Variants in MDN1 observed in about 807,000 individuals in gnomAD.
The protein encoded by MDN1 is midasin.
A neutral mutation model predicts 669.2 loss-of-function variants in MDN1; 266 were observed. The ratio of observed to expected loss-of-function variants is 0.40; its 90% confidence interval spans 0.36 to 0.44. The LOEUF (loss-of-function observed/expected upper bound fraction) is 0.44, where lower values mean the gene tolerates loss of function less well. MDN1 is among the 20% of genes least tolerant of loss of function. MDN1 has a pLI of 1.00. For synonymous variants in MDN1, 2,385 were observed against 2,457.1 expected (o/e 0.97, Z 0.87); for missense variants, 5,940 against 6,754.0 (o/e 0.88, Z 4.22).
chr6:89,746,953 T>G (rs1435021262), intron 27 of MDN1, among the ~76,000 whole-genome samples: 2 of 152,190 alleles, frequency 1.3e-5, no homozygotes, highest in Non-Finnish European at 2.9e-5. Context: ...AATGCTGATG[T>G]TTTCTGACAA....
Position 89,658,637 on chromosome 6 carries a change from G to C in MDN1, c.14994C>G (p.Gly4998=), listed in dbSNP as rs781752845. The part of the protein sequence containing the change: ...KEADEEGGEN[G]PADQGFQPQE... ...GGGGCTGGAAACCTTGGTCAGCAGG[G>C]CCATTCTCTCCACCTTCTTCATCGG... The change falls in exon 89 of 102, where the codon GGC becomes GGG. Residue 4998 remains glycine (G), a synonymous_variant. Coordinates refer to ENST00000369393, the MANE Select transcript of MDN1 (RefSeq NM_014611.3). 1.2e-6 allele frequency: 2 copies of C among 1,611,984 alleles called. No homozygotes were observed. Among genetic ancestry groups the C allele is most frequent in the Non-Finnish European group, 8.5e-7 (1 of 1,178,136 alleles).
rs1180147450 is a variant in MDN1 at position 89,672,685 on chromosome 6, C to T, written c.13492G>A (p.Glu4498Lys). ...DSQGGNQMLDEGFVEDFSEQM... is the reference protein window; with the variant it reads ...DSQGGNQMLDKGFVEDFSEQM... The stretch of plus-strand genomic sequence containing the variant: ...TCTGAAAAATCTTCCACAAATCCTT[C>T]GTCCAACATTTGATTTCCTAGCAGG... Residue 4498 changes from glutamate (E) to lysine (K), a missense_variant, in exon 81 of 102, where the codon GAA becomes AAA. Around this residue, in one of 5 missense-constraint regions of MDN1, gnomAD observed 2,280 missense variants for 2,576.3 expected, o/e 0.88. Transcript: ENST00000369393. 2.5e-6 allele frequency: 4 copies of T among 1,613,752 alleles called. No homozygotes were observed. Among genetic ancestry groups the T allele is most frequent in the Non-Finnish European group, 3.4e-6 (4 of 1,179,988 alleles).
At chr6:89,703,023 C>G (rs1311658289) in intron 53 of MDN1, among the ~76,000 whole-genome samples, 1 of 151,718 alleles carries the variant, frequency 6.6e-6, no homozygotes, top group Admixed American at 6.6e-5. Flanking sequence ...GCAACCTCCG[C>G]TTCCCAGGTT....
chr6:89,702,199 A>G lies in MDN1; in HGVS notation c.8149-138T>C, dbSNP rs529191973. On this transcript the variant is annotated intron_variant, in intron 53 of 101. Coordinates refer to ENST00000369393, the MANE Select transcript of MDN1 (RefSeq NM_014611.3). ...CAACATAGGCTATAATTGCTAATCAATGCTCAATTTACATACACCAAAAGT... is the reference window on the plus strand; with the variant it reads ...CAACATAGGCTATAATTGCTAATCAGTGCTCAATTTACATACACCAAAAGT... 14 of 767,088 alleles carry G rather than the reference A, an allele frequency of 1.8e-5. No homozygotes were observed. In the East Asian group the frequency reaches 2.6e-4, roughly 14 times the overall value. 47.5% of individuals were successfully genotyped at this position (767,088 alleles called of 1,614,324 possible).
intron 58 of MDN1, 55 bp downstream of exon 58, chr6:89,699,546 A>G (rs1812996192): frequency 1.4e-5 from 21 of 1,541,612 alleles, no homozygotes; most frequent in Non-Finnish European, 1.8e-5. Context: ...TCTGTCAAAG[A>G]AAATCTAACC....
chr6:89,743,642 G>C lies in MDN1; in HGVS notation c.4251C>G (p.His1417Gln), dbSNP rs115654007. ...ANQKLYSVSC[H>Q]LHMETSDFLG... ...GGAAGTCTGATGTCTCCATGTGTAA[G>C]TGGCAGCTGACAGAGTATAATTTCT... The change falls in exon 30 of 102, where the codon CAC (histidine) becomes CAG (glutamine). Residue 1417 changes from histidine to glutamine, a missense_variant. Coordinates refer to ENST00000369393, the MANE Select transcript of MDN1 (RefSeq NM_014611.3). The C allele has an allele frequency of 8.1e-5, 130 of 1,614,136 alleles. No individual in the cohort carries two copies. Among genetic ancestry groups the C allele is most frequent in the Admixed American group, 4.7e-4 (28 of 60,032 alleles).
intron 27 of MDN1, among the ~76,000 whole-genome samples, chr6:89,746,046 G>C (rs978506620): frequency 1.3e-5 from 2 of 152,168 alleles, no homozygotes; most frequent in Non-Finnish European, 2.9e-5. Flanking sequence ...ATCAGGTTTA[G>C]TGAAAAACCC....
At chr6:89,764,970 T>C (rs1263144448) in intron 15 of MDN1, among the ~76,000 whole-genome samples, 4 of 152,074 alleles carry the variant, frequency 2.6e-5, no homozygotes, top group Non-Finnish European at 5.9e-5. Flanking sequence ...AAAATTATAC[T>C]TTACTGGGCT....
intron 1 of MDN1, among the ~76,000 whole-genome samples, chr6:89,812,244 A>G (rs1475449566): frequency 6.6e-6 from 1 of 151,810 alleles, no homozygotes; most frequent in Non-Finnish European, 1.5e-5. Flanking sequence ...TTGGCCCCCT[A>G]AAGTGCTGGG....
Position 89,687,426 on chromosome 6 carries a change from T to G in MDN1, c.11368A>C (p.Asn3790His). 1 of 1,613,884 alleles carries G rather than the reference T, an allele frequency of 6.2e-7. No homozygotes were observed. Among genetic ancestry groups the G allele is most frequent in the South Asian group, 1.1e-5 (1 of 91,046 alleles). The change falls in exon 68 of 102, where the codon AAT becomes CAT. Residue 3790 changes from asparagine to histidine, a missense_variant. By Grantham distance (68) the Asn-to-His change is moderately conservative (BLOSUM62 1). Coordinates refer to ENST00000369393, the MANE Select transcript of MDN1 (RefSeq NM_014611.3). ...LLAKAQDWEE[N>H]ASRALSLRKH... ...CGCAAAGACAAAGCTCGACTTGCAT[T>G]TTCCTCCCAATCCTAAAGAAACAAA...
rs140647932 is a variant in MDN1 at position 89,729,090 on chromosome 6, C to T, written c.5190G>A (p.Gly1730=). 1.2e-6 allele frequency: 2 copies of T among 1,613,794 alleles called. No homozygotes were observed. The highest frequency in any genetic ancestry group is 2.7e-5 in the African/African-American group (2 of 74,930). ...NNIADYALSA[G]TTAMNAQRLL... ...GCCTCTGTGCATTCATAGCAGTGGT[C>T]CCTGCACTGAGTGCATAGTCTGCAA... is the stretch of plus-strand genomic sequence containing the variant. The change falls in exon 36 of 102, where the codon GGG becomes GGA. Residue 1730 remains glycine (G), a synonymous_variant. Coordinates refer to ENST00000369393, the MANE Select transcript of MDN1 (RefSeq NM_014611.3).
At chr6:89,670,884 T>G (rs1168705020) in intron 83 of MDN1, 35 bp downstream of exon 83, 3 of 1,593,562 alleles carry the variant, frequency 1.9e-6, no homozygotes, top group Non-Finnish European at 2.6e-6. Flanking sequence ...CTTGGGTCCC[T>G]GCTGCTCACA....
At chr6:89,679,250 G>C (rs888309228) in intron 74 of MDN1, among the ~76,000 whole-genome samples, 1 of 152,168 alleles carries the variant, frequency 6.6e-6, no homozygotes, top group African/African-American at 2.4e-5. Flanking sequence ...GCTCAGTGAG[G>C]TCTAGTCACT....
Position 89,673,450 on chromosome 6 carries a change from T to C in MDN1, c.13260A>G (p.Glu4420=). Residue 4420 remains glutamate, a synonymous_variant, in exon 80 of 102, where the codon GAA becomes GAG. Transcript: ENST00000369393. ...AGCAACTCAGCGCAGAAGAGCAAAC[T>C]TCAAAATCTTTCCTGCAACAGAAAT... ...ETLFHSWKDF[E]VCSSALSCLS... 6.2e-7 allele frequency: 1 copy of C among 1,614,074 alleles called. No homozygotes were observed. Among genetic ancestry groups the C allele is most frequent in the Non-Finnish European group, 8.5e-7 (1 of 1,180,000 alleles).
At chr6:89,816,489 C>T (rs552376621) in intron 1 of MDN1, among the ~76,000 whole-genome samples, 9 of 151,966 alleles carry the variant, frequency 5.9e-5, no homozygotes, top group African/African-American at 2.2e-4. Context: ...CTTTGGGAGG[C>T]TGAGGTAGGT....
chr6:89,675,829 T>C (rs1199230710), intron 77 of MDN1: 1 of 563,706 alleles, frequency 1.8e-6, no homozygotes. Context: ...GGAAGAAAGA[T>C]CTAAAGATGG....
At chr6:89,754,423 A>G (rs1421325662) in intron 20 of MDN1, among the ~76,000 whole-genome samples, 193 bp from the exon 21 acceptor site, 6 of 152,198 alleles carry the variant, frequency 3.9e-5, no homozygotes, top group African/African-American at 1.4e-4. Context: ...CTTTCAAAAT[A>G]AAAAATGAAC....
In MDN1 at chr6:89,688,581, G is replaced by A. The variant is rs1164154210; in HGVS notation, c.11251C>T (p.Leu3751Phe). 3 of 1,613,514 alleles carry A rather than the reference G, an allele frequency of 1.9e-6. No homozygotes were observed. Among genetic ancestry groups the A allele is most frequent in the African/African-American group, 2.7e-5 (2 of 74,912 alleles). ...LLQDWPEHPA[L>F]EQLLVVMDRI... is the part of the protein sequence containing the mutation. The stretch of plus-strand genomic sequence containing the variant: ...CTCAACAGCTGCCCTACCTGTTCAA[G>A]CGCTGGGTGTTCTGGCCAGTCCTGT... The change falls in exon 66 of 102, where the codon CTT (leucine) becomes TTT (phenylalanine). Residue 3751 changes from leucine to phenylalanine, a missense_variant. By Grantham distance (22) the Leu-to-Phe change is conservative (BLOSUM62 0). Transcript: ENST00000369393.
intron 17 of MDN1, among the ~76,000 whole-genome samples, chr6:89,760,751 C>T (rs1562190711): frequency 6.6e-6 from 1 of 152,128 alleles, no homozygotes; most frequent in Non-Finnish European, 1.5e-5. Context: ...CACAGAAAGA[C>T]AAGTATTGCA....
Sources: gnomAD v4.1 joint callset for allele counts (sites outside exome capture counted in the v4.1 genomes callset) on GRCh38, gnomAD v4.1.1 for gene constraint, gnomAD v4.1.1 regional missense constraint, MANE v1.5 for transcripts, NCBI Gene and HGNC (gene_info 2026-07-23, HGNC 2026-07-21) for gene names.